The following DLGAP2 variants were observed in gnomAD, a reference collection of about 807,000 sequenced individuals.
DLGAP2 encodes the protein disks large-associated protein 2.
A neutral mutation model predicts 100.3 loss-of-function variants in DLGAP2; 26 were observed. That is an observed-to-expected ratio of 0.26 (90% CI 0.19 to 0.36). The LOEUF (loss-of-function observed/expected upper bound fraction) is 0.36. Ranked by LOEUF, DLGAP2 falls within the 10% of genes least tolerant of loss-of-function variation. The pLI, the probability that DLGAP2 is intolerant of heterozygous loss-of-function variation, is 1.00. For missense variants in DLGAP2, 1,858 were observed against 1,453.2 expected (o/e 1.28, Z -4.53); for synonymous variants, 886 against 630.1 (o/e 1.41, Z -6.08).
intron 2 of DLGAP2, among the ~76,000 whole-genome samples, chr8:960,235 A>ATTTTTTTTTTTTTTTTTTTTTTTTT (rs1209692955): frequency 3.6e-4 from 3 of 8,344 alleles, no homozygotes; most frequent in African/African-American, 8.7e-4. Flanking sequence ...CCTGAAGTAT[A>ATTTTTTTTTTTTTTTTTTTTTTTTT]TCTTTTTTTT....
At chr8:1,670,044 C>T (rs1455380429) in intron 10 of DLGAP2, among the ~76,000 whole-genome samples, 2 of 152,112 alleles carry the variant, frequency 1.3e-5, no homozygotes, top group African/African-American at 2.4e-5. Flanking sequence ...TCTCCGTCTC[C>T]GTCTCCAGGG....
chr8:1,033,853 G>A (rs1345958931), intron 2 of DLGAP2, among the ~76,000 whole-genome samples: 10 of 127,186 alleles, frequency 7.9e-5, no homozygotes, highest in East Asian at 7.5e-4. Context: ...GCGTGTCACC[G>A]CGAGTGGGTT....
intron 3 of DLGAP2, among the ~76,000 whole-genome samples, chr8:1,416,675 C>T (rs1047124585): frequency 6.6e-6 from 1 of 152,068 alleles, no homozygotes; most frequent in Admixed American, 6.5e-5. Context: ...ACATTTCAAT[C>T]CAAAGTGTCT....
At chr8:1,599,380 T>C (rs1796554941) in intron 6 of DLGAP2, among the ~76,000 whole-genome samples, 1 of 152,182 alleles carries the variant, frequency 6.6e-6, no homozygotes, top group Non-Finnish European at 1.5e-5. Context: ...CAATTGGGTC[T>C]GCTTGGTCCA....
Position 1,219,158 on chromosome 8 carries a change from T to C in DLGAP2, c.74-39693T>C, listed in dbSNP as rs532435328. ...TCTGGCAAGGACTTCCAGTACTATG[T>C]TGAATAGAAGTAGTGTGAGAGGGCA... On this transcript the variant is annotated intron_variant, in intron 2 of 14. Coordinates refer to ENST00000637795, the MANE Select transcript of DLGAP2 (RefSeq NM_001346810.2). 2.6e-5 allele frequency among the ~76,000 whole-genome samples: 4 copies of C among 152,330 alleles called. No individual in the cohort carries two copies. In the East Asian group the frequency reaches 5.8e-4, roughly 22 times the overall value.
intron 4 of DLGAP2, among the ~76,000 whole-genome samples, chr8:1,520,177 C>A (rs1402764101): frequency 2.0e-5 from 3 of 152,198 alleles, no homozygotes; most frequent in Non-Finnish European, 4.4e-5. Flanking sequence ...ATCAATGGTT[C>A]ATCAGCTATC....
chr8:843,200 C>A (rs950810539), intron 1 of DLGAP2, among the ~76,000 whole-genome samples: 1 of 152,184 alleles, frequency 6.6e-6, no homozygotes, highest in South Asian at 2.1e-4. Context: ...AGAGCTTTTC[C>A]GACTTCCTAG....
At chr8:1,255,043 CTG>C (rs1308045440) in intron 2 of DLGAP2, among the ~76,000 whole-genome samples, 3 of 95,708 alleles carry the variant, frequency 3.1e-5, no homozygotes, top group Non-Finnish European at 4.5e-5. Flanking sequence ...TGCCCAGCCG[CTG>C]TGTGTGTGTC....
At chr8:846,486 A>G (rs185886603) in intron 1 of DLGAP2, among the ~76,000 whole-genome samples, 16 of 152,340 alleles carry the variant, frequency 1.1e-4, no homozygotes, top group African/African-American at 2.9e-4. Flanking sequence ...ATGGCTGAAT[A>G]GTATTCCACT....
chr8:1,069,050 C>T (rs991040991), intron 2 of DLGAP2, among the ~76,000 whole-genome samples: 55 of 152,152 alleles, frequency 3.6e-4, no homozygotes, highest in Admixed American at 3.5e-3. Context: ...TAAAAATCCC[C>T]GGCTGAAGTT....
chr8:855,027 A>G (rs1797250538), intron 1 of DLGAP2, among the ~76,000 whole-genome samples: 1 of 152,154 alleles, frequency 6.6e-6, no homozygotes. Flanking sequence ...GTCCGGCAGT[A>G]GTGGGTCCGG....
intron 2 of DLGAP2, among the ~76,000 whole-genome samples, chr8:1,223,834 T>C (rs1176809424): frequency 6.6e-6 from 1 of 152,266 alleles, no homozygotes; most frequent in Non-Finnish European, 1.5e-5. Context: ...AGCACCCATA[T>C]GCTCTATATG....
intron 8 of DLGAP2, among the ~76,000 whole-genome samples, chr8:1,650,828 G>T (rs548132927): frequency 2.0e-5 from 3 of 147,132 alleles, no homozygotes; most frequent in South Asian, 2.1e-4. Flanking sequence ...GGTGACAGTT[G>T]CTGGAGCAGA....
intron 2 of DLGAP2, among the ~76,000 whole-genome samples, chr8:1,218,791 A>G (rs1001350362): frequency 6.6e-6 from 1 of 151,998 alleles, no homozygotes; most frequent in Non-Finnish European, 1.5e-5. Flanking sequence ...GACTTGTTTC[A>G]TCTCTAATAT....
At chr8:906,806 T>A (rs1798390329) in intron 1 of DLGAP2, among the ~76,000 whole-genome samples, 2 of 152,270 alleles carry the variant, frequency 1.3e-5, no homozygotes, top group South Asian at 4.1e-4. Flanking sequence ...TTCCACATTT[T>A]GCACAGCATT....
rs139375663 is a variant in DLGAP2, at chr8:1,283,403, G to A, written c.106+24520G>A. 4.1e-3 allele frequency among the ~76,000 whole-genome samples: 622 copies of A among 152,308 alleles called. 1 individual carries two copies. The highest frequency in any genetic ancestry group is 7.2e-3 in the Admixed American group (110 of 15,298). On this transcript the variant is annotated intron_variant, in intron 3 of 14. Transcript: ENST00000637795. ...GACCTTCCACATTCATAAAAGGCAC[G>A]TGTCTTTGGGTATCATATGTTTGTT... is the stretch of plus-strand genomic sequence containing the variant.
intron 2 of DLGAP2, among the ~76,000 whole-genome samples, chr8:1,238,208 T>A (rs1229062390): frequency 2.4e-5 from 1 of 40,896 alleles, no homozygotes; most frequent in Non-Finnish European, 4.7e-5. Context: ...TAGTTCTCTC[T>A]CACATGGCAC....
intron 2 of DLGAP2, among the ~76,000 whole-genome samples, chr8:1,050,537 G>A (rs530392084): frequency 1.1e-4 from 16 of 152,240 alleles, no homozygotes; most frequent in East Asian, 5.8e-4. Flanking sequence ...CTCATGATGG[G>A]TTTATTAGGA....
intron 2 of DLGAP2, among the ~76,000 whole-genome samples, chr8:961,030 C>G (rs17740282): frequency 0.16 from 24,730 of 152,200 alleles, 2,408 homozygotes; most frequent in Middle Eastern, 0.29. Flanking sequence ...GGATTCTGCA[C>G]AGACCCCCAT....
Sources: allele counts gnomAD v4.1 joint callset (sites outside exome capture counted in the v4.1 genomes callset), GRCh38; gene constraint gnomAD v4.1.1; transcripts MANE v1.5; gene names NCBI Gene and HGNC (gene_info 2026-07-23, HGNC 2026-07-21).